MAPKAP1: variants seen among roughly 807,000 people sequenced by gnomAD.
The protein encoded by MAPKAP1 is target of rapamycin complex 2 subunit MAPKAP1.
In MAPKAP1, 20 loss-of-function variants were observed where a neutral mutation model predicts 65.7. The ratio of observed to expected loss-of-function variants is 0.30; its 90% CI spans 0.21 to 0.44. The LOEUF (loss-of-function observed/expected upper bound fraction) is 0.44, where lower values mean the gene tolerates loss of function less well. MAPKAP1 is among the 20% of genes least tolerant of loss of function. The probability of loss-of-function intolerance (pLI) is 1.00; values close to 1 mark genes in which losing one functional copy is unlikely to be tolerated. For synonymous variants in MAPKAP1, 222 were observed against 244.3 expected (o/e 0.91, Z 0.85); for missense variants, 423 against 648.0 (o/e 0.65, Z 3.77).
At chr9:125,630,690 T>C (rs1032275644) in intron 4 of MAPKAP1, among the ~76,000 whole-genome samples, 2 of 152,112 alleles carry the variant, frequency 1.3e-5, no homozygotes, top group Admixed American at 6.6e-5. Flanking sequence ...TGGATGTTTG[T>C]CCTCTTCAAA....
At chr9:125,515,264 T>C (rs1173702957) in intron 7 of MAPKAP1, among the ~76,000 whole-genome samples, 1 of 151,098 alleles carries the variant, frequency 6.6e-6, no homozygotes, top group Non-Finnish European at 1.5e-5. Flanking sequence ...TTCTCCTGCC[T>C]AGTTAAACTG....
intron 1 of MAPKAP1, among the ~76,000 whole-genome samples, chr9:125,683,807 T>C (rs1032991810): frequency 6.6e-6 from 1 of 152,226 alleles, no homozygotes; most frequent in Admixed American, 6.5e-5. Flanking sequence ...GAATTCAGCA[T>C]AGTGAAGGAA....
chr9:125,468,937 G>A (rs1853790809), intron 9 of MAPKAP1, among the ~76,000 whole-genome samples: 1 of 152,190 alleles, frequency 6.6e-6, no homozygotes, highest in African/African-American at 2.4e-5. Context: ...GAGGGGCCCT[G>A]GAATAAGTGT....
At chr9:125,482,589 T>C (rs1228434923) in intron 9 of MAPKAP1, among the ~76,000 whole-genome samples, 1 of 152,200 alleles carries the variant, frequency 6.6e-6, no homozygotes, top group African/African-American at 2.4e-5. Flanking sequence ...TACAGTTAAG[T>C]CCTCACTTAT....
At chr9:125,446,930 T>TA (rs1314083286) in intron 10 of MAPKAP1, among the ~76,000 whole-genome samples, 3 of 152,100 alleles carry the variant, frequency 2.0e-5, no homozygotes, top group Admixed American at 2.0e-4. Context: ...GCACATGTAA[T>TA]AAGTAGTCTG....
At chr9:125,606,845 C>A (rs772234450) in intron 4 of MAPKAP1, among the ~76,000 whole-genome samples, 13 of 152,164 alleles carry the variant, frequency 8.5e-5, no homozygotes, top group Admixed American at 6.5e-4. Flanking sequence ...AGTGTAGTTT[C>A]TCTGACTTTC....
intron 4 of MAPKAP1, among the ~76,000 whole-genome samples, chr9:125,591,672 G>T (rs1391543134): frequency 6.6e-6 from 1 of 152,182 alleles, no homozygotes; most frequent in African/African-American, 2.4e-5. Context: ...TTTTAATAAG[G>T]AGACTGTCTT....
intron 10 of MAPKAP1, among the ~76,000 whole-genome samples, chr9:125,450,376 C>T (rs1852898351): frequency 6.6e-6 from 1 of 152,238 alleles, no homozygotes; most frequent in African/African-American, 2.4e-5. Flanking sequence ...CATTCACGGT[C>T]TCTTTCCTAA....
In MAPKAP1 at chr9:125,476,803, A is replaced by C. The variant is rs766257125; in HGVS notation, c.1207+7640T>G. Among the ~76,000 whole-genome samples the C allele has an allele frequency of 3.4e-4, 51 of 152,226 alleles. 1 individual carries two copies. Among genetic ancestry groups the C allele is most frequent in the Admixed American group, 3.1e-3 (47 of 15,286 alleles). On this transcript the variant is annotated intron_variant, in intron 9 of 11. Transcript: ENST00000265960. Reference sequence around the variant, plus strand: ...ATAACTGCGGTAGGAAAGACAAGGCAGGGAAGACAAGAAATGGCAAATATG... The same window carrying C: ...ATAACTGCGGTAGGAAAGACAAGGCCGGGAAGACAAGAAATGGCAAATATG...
chr9:125,519,146 A>G (rs898200982), intron 7 of MAPKAP1, among the ~76,000 whole-genome samples: 6 of 152,100 alleles, frequency 3.9e-5, no homozygotes, highest in Non-Finnish European at 7.4e-5. Flanking sequence ...CTCACACATC[A>G]TGTAGGCTCA....
chr9:125,501,189 C>G (rs1351064872), intron 8 of MAPKAP1, among the ~76,000 whole-genome samples: 1 of 152,288 alleles, frequency 6.6e-6, no homozygotes, highest in Non-Finnish European at 1.5e-5. Flanking sequence ...AATATAAACA[C>G]GAAGGAAAAT....
At chr9:125,468,662 A>T (rs1483992734) in intron 9 of MAPKAP1, among the ~76,000 whole-genome samples, 2 of 152,208 alleles carry the variant, frequency 1.3e-5, no homozygotes, top group Non-Finnish European at 2.9e-5. Flanking sequence ...TAATTATCCA[A>T]GCTATATTTA....
At chr9:125,693,734 T>C (rs1255034546) in intron 1 of MAPKAP1, among the ~76,000 whole-genome samples, 1 of 146,624 alleles carries the variant, frequency 6.8e-6, no homozygotes, top group South Asian at 2.1e-4. Flanking sequence ...TATACACATA[T>C]ATACACGTAT....
In MAPKAP1 at chr9:125,595,406, G is replaced by A. The variant is rs948191800; in HGVS notation, c.499-9679C>T. 22 of 352,942 alleles carry A rather than the reference G, an allele frequency of 6.2e-5. No homozygotes were observed. Among genetic ancestry groups the A allele is most frequent in the Non-Finnish European group, 8.2e-5 (20 of 244,032 alleles). The allele number at this position is 352,942 out of a possible 1,614,324, so 21.9% of individuals were successfully genotyped here. A position where few individuals can be genotyped will look rare whatever the true frequency, so the allele number is the denominator to read the frequency against. ...TGAAATGTATGTATTTGAACATGCTGATGAATTAAAACATTATCTAGAGCA... is the reference window on the plus strand; with the variant it reads ...TGAAATGTATGTATTTGAACATGCTAATGAATTAAAACATTATCTAGAGCA... On this transcript the variant is annotated intron_variant, in intron 4 of 11. Coordinates refer to ENST00000265960, the MANE Select transcript of MAPKAP1 (RefSeq NM_001006617.3). This position sits in a 1 kb window ranked among gnomAD's most constrained non-coding sequence, Gnocchi z 4.0.
At chr9:125,693,409 C>A (rs1298673393) in intron 1 of MAPKAP1, among the ~76,000 whole-genome samples, 1 of 115,948 alleles carries the variant, frequency 8.6e-6, no homozygotes, top group Non-Finnish European at 1.8e-5. Context: ...AGCGAAATTC[C>A]GCCTCAAAAA....
chr9:125,684,337 A>G (rs1361022296), intron 1 of MAPKAP1, among the ~76,000 whole-genome samples: 1 of 152,218 alleles, frequency 6.6e-6, no homozygotes, highest in Admixed American at 6.5e-5. Flanking sequence ...ATTAGTAGCC[A>G]GTGGGTAGAT....
chr9:125,506,250 A>T (rs1589243729), intron 8 of MAPKAP1, 60 bp downstream of exon 8: 2 of 1,439,152 alleles, frequency 1.4e-6, no homozygotes, highest in Non-Finnish European at 2.0e-6. Context: ...TTCCAAACAC[A>T]TGACTTCTAA....
chr9:125,586,456 G>A (rs1033937960), intron 4 of MAPKAP1, among the ~76,000 whole-genome samples: 1 of 151,782 alleles, frequency 6.6e-6, no homozygotes, highest in African/African-American at 2.4e-5. Flanking sequence ...TGAACCTGCT[G>A]TTGAGGATAC....
At chr9:125,682,341 CT>C (rs1357007719) in intron 1 of MAPKAP1, among the ~76,000 whole-genome samples, 1 of 152,222 alleles carries the variant, frequency 6.6e-6, no homozygotes, top group Non-Finnish European at 1.5e-5. Context: ...GGTTGAAGAA[CT>C]GTTAAGTATA....
Sources: allele counts gnomAD v4.1 joint callset (sites outside exome capture counted in the v4.1 genomes callset), GRCh38; gene constraint gnomAD v4.1.1; non-coding constraint Gnocchi (gnomAD v3.1); transcripts MANE v1.5; gene names NCBI Gene and HGNC (gene_info 2026-07-23, HGNC 2026-07-21).